POU6F2: variants seen among roughly 807,000 people sequenced by gnomAD.
The protein encoded by POU6F2 is POU class 6 homeobox 2.
POU6F2 carries 31 observed loss-of-function variants against 71.3 expected under a neutral mutation model. The observed-to-expected ratio is 0.43, with a 90% CI of 0.33 to 0.59. The LOEUF is 0.59. POU6F2 is among the 20% of genes least tolerant of loss of function. POU6F2 has a pLI of 0.04. For missense variants in POU6F2, 783 were observed against 856.8 expected, an observed-to-expected ratio of 0.91 and a Z score of 1.07; for synonymous variants, 347 against 355.7, an observed-to-expected ratio of 0.98 and a Z score of 0.27.
intron 2 of POU6F2, among the ~76,000 whole-genome samples, chr7:39,139,860 G>A (rs1445270544): frequency 2.6e-5 from 4 of 152,136 alleles, no homozygotes; most frequent in East Asian, 1.9e-4. Context: ...TGCACTTAAC[G>A]GCTATTCTGG....
rs182163649 is a variant in POU6F2, at chr7:39,006,735, A to C, written c.105+28677A>C. ...TCTTTGCAATGTCATCATTTAAATAAAATGTTGGGGTTTTCTTCTAGGCAT... is the reference window on the plus strand; with the variant it reads ...TCTTTGCAATGTCATCATTTAAATACAATGTTGGGGTTTTCTTCTAGGCAT... On this transcript the variant is annotated intron_variant, in intron 1 of 9. Coordinates refer to ENST00000518318, the MANE Select transcript of POU6F2 (RefSeq NM_001370959.1). 6.7e-4 allele frequency: 674 copies of C among 999,988 alleles called. 2 individuals carry two copies. The highest frequency in any genetic ancestry group is 7.4e-4 in the Non-Finnish European group (466 of 630,888). 61.9% of individuals were successfully genotyped at this position (999,988 alleles called of 1,614,324 possible).
intron 6 of POU6F2, among the ~76,000 whole-genome samples, chr7:39,428,051 C>T (rs1277051461): frequency 2.0e-5 from 3 of 152,182 alleles, no homozygotes; most frequent in African/African-American, 7.2e-5. Flanking sequence ...CAAAGGTGCT[C>T]CAGAGCCCTG....
intron 5 of POU6F2, among the ~76,000 whole-genome samples, chr7:39,368,777 A>G (rs1199502214): frequency 6.6e-6 from 1 of 152,204 alleles, no homozygotes; most frequent in African/African-American, 2.4e-5. Flanking sequence ...GAATGATGCT[A>G]AATCAACTCT....
chr7:39,363,156 C>T (rs771650148), intron 5 of POU6F2, among the ~76,000 whole-genome samples: 1 of 152,096 alleles, frequency 6.6e-6, no homozygotes, highest in Non-Finnish European at 1.5e-5. Flanking sequence ...ATGGTTTGTA[C>T]CATGTTGTAC....
chr7:39,293,548 A>G (rs188671593), intron 4 of POU6F2, among the ~76,000 whole-genome samples: 3 of 152,232 alleles, frequency 2.0e-5, no homozygotes, highest in Admixed American at 6.5e-5. Flanking sequence ...TCTACCTAGA[A>G]CCATTATCGC....
At chr7:39,285,870 A>C (rs2128760831) in intron 4 of POU6F2, among the ~76,000 whole-genome samples, 1 of 152,140 alleles carries the variant, frequency 6.6e-6, no homozygotes, top group Middle Eastern at 3.4e-3. Context: ...TCATATCTAA[A>C]CCTGTTTTCA....
intron 1 of POU6F2, among the ~76,000 whole-genome samples, chr7:39,064,944 A>G (rs1338041414): frequency 6.6e-6 from 1 of 151,944 alleles, no homozygotes; most frequent in Non-Finnish European, 1.5e-5. Flanking sequence ...TAGAAAGTCA[A>G]TGCGAAGTTG....
chr7:39,394,878 C>A (rs538223982), intron 5 of POU6F2, among the ~76,000 whole-genome samples: 145 of 152,236 alleles, frequency 9.5e-4, no homozygotes, highest in African/African-American at 3.3e-3. Context: ...TGTCTGTCTA[C>A]TTATCTGTCT....
intron 6 of POU6F2, among the ~76,000 whole-genome samples, chr7:39,419,072 CACACATATATACGTATATGTGTATATAT>C (rs752502696): frequency 2.8e-4 from 38 of 134,382 alleles, no homozygotes; most frequent in South Asian, 7.1e-4. Context: ...CACATATATA[CACACATATATACGTATATGTGTATATAT>C]ACACATATAT....
At chr7:39,393,370 G>A (rs1401247742) in intron 5 of POU6F2, among the ~76,000 whole-genome samples, 1 of 152,112 alleles carries the variant, frequency 6.6e-6, no homozygotes, top group Non-Finnish European at 1.5e-5. Context: ...CACGGGTGTG[G>A]CAGATACTCC....
Position 39,465,020 on chromosome 7 carries a change from A to C in POU6F2, c.*334A>C. ...TGGACTTAAAGCAAACCAAATAACC[A>C]CGTACTTTTTTCTGTATATTATGAA... On this transcript the variant is annotated 3_prime_UTR_variant, in exon 10 of 10. Coordinates refer to ENST00000518318, the MANE Select transcript of POU6F2 (RefSeq NM_001370959.1). The C allele has an allele frequency of 4.5e-6, 1 of 222,596 alleles. No homozygotes were observed. Among genetic ancestry groups the C allele is most frequent in the Non-Finnish European group, 8.9e-6 (1 of 112,516 alleles). 13.8% of individuals were successfully genotyped at this position (222,596 alleles called of 1,614,324 possible). A position where few individuals can be genotyped will look rare whatever the true frequency, so the allele number is the denominator to read the frequency against.
At chr7:39,108,893 T>C (rs1249368036) in intron 2 of POU6F2, among the ~76,000 whole-genome samples, 3 of 152,206 alleles carry the variant, frequency 2.0e-5, no homozygotes, top group African/African-American at 7.2e-5. Flanking sequence ...GAAACATTAG[T>C]AGAAGAATTT....
chr7:39,122,821 C>T (rs982238231), intron 2 of POU6F2, among the ~76,000 whole-genome samples: 110 of 151,584 alleles, frequency 7.3e-4, no homozygotes, highest in African/African-American at 2.6e-3. Context: ...GATTCTCCTG[C>T]CTCAGTCTCC....
intron 5 of POU6F2, among the ~76,000 whole-genome samples, chr7:39,373,953 C>G (rs1334532277): frequency 6.6e-6 from 1 of 151,966 alleles, no homozygotes; most frequent in Non-Finnish European, 1.5e-5. Context: ...AAAGATTTGC[C>G]ACCTGTGACC....
intron 2 of POU6F2, among the ~76,000 whole-genome samples, chr7:39,150,050 T>C (rs1792719262): frequency 6.6e-6 from 1 of 152,102 alleles, no homozygotes; most frequent in Non-Finnish European, 1.5e-5. Flanking sequence ...CACGCCCAGC[T>C]AATTTTTTTT....
intron 2 of POU6F2, among the ~76,000 whole-genome samples, chr7:39,188,946 T>C (rs933365069): frequency 1.3e-5 from 2 of 152,204 alleles, no homozygotes; most frequent in African/African-American, 4.8e-5. Flanking sequence ...AGCTCTTCAT[T>C]ACCAAATGTA....
intron 4 of POU6F2, among the ~76,000 whole-genome samples, chr7:39,215,340 A>G (rs1794219174): frequency 6.6e-6 from 1 of 152,166 alleles, no homozygotes; most frequent in Non-Finnish European, 1.5e-5. Context: ...GTGAGACTCC[A>G]TCTCAAAAAT....
chr7:39,319,214 G>A (rs1785334890), intron 4 of POU6F2, among the ~76,000 whole-genome samples: 1 of 152,156 alleles, frequency 6.6e-6, no homozygotes, highest in South Asian at 2.1e-4. Flanking sequence ...CAAATTGTAA[G>A]CAGAAAGCCT....
chr7:39,256,937 AG>A (rs1784036116), intron 4 of POU6F2, among the ~76,000 whole-genome samples: 1 of 152,254 alleles, frequency 6.6e-6, no homozygotes, highest in Non-Finnish European at 1.5e-5. Flanking sequence ...TTTTACTTCC[AG>A]AAATGTAAGA....
Sources: gnomAD v4.1 joint callset for allele counts (sites outside exome capture counted in the v4.1 genomes callset) on GRCh38, gnomAD v4.1.1 for gene constraint, MANE v1.5 for transcripts, NCBI Gene and HGNC (gene_info 2026-07-23, HGNC 2026-07-21) for gene names.